FHIT: variants seen among roughly 807,000 people sequenced by gnomAD.
The protein encoded by FHIT is fragile histidine triad diadenosine triphosphatase, also known as bis(5'-adenosyl)-triphosphatase.
FHIT carries 19 observed loss-of-function variants against 17.9 expected under a neutral mutation model. The ratio of observed to expected loss-of-function variants is 1.06; its 90% CI spans 0.74 to 1.56. The LOEUF (loss-of-function observed/expected upper bound fraction) is 1.56, where lower values mean the gene tolerates loss of function less well. Among genes scored for constraint, FHIT ranks in the 40% most tolerant of loss-of-function variants. FHIT has a pLI of 0.00. For missense variants in FHIT, 248 were observed against 189.2 expected (o/e 1.31, Z -1.82); for synonymous variants, 81 against 69.7 (o/e 1.16, Z -0.81).
chr3:60,591,711 T>A (rs1234655465), intron 4 of FHIT, among the ~76,000 whole-genome samples: 2 of 152,100 alleles, frequency 1.3e-5, no homozygotes, highest in Non-Finnish European at 2.9e-5. Flanking sequence ...GAAATGAGCC[T>A]TCTGAGATTC....
At chr3:61,214,309 A>C (rs1366808166) in intron 1 of FHIT, among the ~76,000 whole-genome samples, 2 of 152,238 alleles carry the variant, frequency 1.3e-5, no homozygotes, top group Non-Finnish European at 2.9e-5. Flanking sequence ...ACGCAGTAAA[A>C]AATGATAAAG....
intron 4 of FHIT, among the ~76,000 whole-genome samples, chr3:60,715,779 A>AAAAAC (rs1185444692): frequency 6.6e-6 from 1 of 152,174 alleles, no homozygotes; most frequent in East Asian, 1.9e-4. Flanking sequence ...AATAATAATA[A>AAAAAC]AAAACAAAAC....
At chr3:60,773,196 A>G (rs1406055446) in intron 4 of FHIT, among the ~76,000 whole-genome samples, 1 of 152,168 alleles carries the variant, frequency 6.6e-6, no homozygotes, top group Non-Finnish European at 1.5e-5. Flanking sequence ...ATTCTAGGCA[A>G]AAAAAATAGA....
chr3:59,972,924 C>T (rs1708252993), intron 7 of FHIT, among the ~76,000 whole-genome samples: 5 of 152,180 alleles, frequency 3.3e-5, no homozygotes, highest in South Asian at 2.1e-4. Context: ...CCCTCACTTC[C>T]GTATTTTTGC....
intron 2 of FHIT, among the ~76,000 whole-genome samples, chr3:61,137,441 C>T (rs1038693057): frequency 6.6e-6 from 1 of 152,052 alleles, no homozygotes; most frequent in African/African-American, 2.4e-5. Context: ...TTTTTGGCCA[C>T]GTCTCTAAGT....
rs149149112 is a variant in FHIT at position 60,449,726 on chromosome 3, C to T, written c.103+87134G>A. Among the ~76,000 whole-genome samples the T allele has an allele frequency of 5.4e-3, 815 of 152,108 alleles. 9 individuals carry two copies. The highest frequency in any genetic ancestry group is 0.019 in the African/African-American group (784 of 41,490). On this transcript the variant is annotated intron_variant, in intron 5 of 9. Coordinates refer to ENST00000492590, the MANE Select transcript of FHIT (RefSeq NM_002012.4). Reference sequence around the variant, plus strand: ...TATAAAAATATGGCACAAAAGGTAGCTGGCGTGGTGACTCAGGCCTGTAAT... The same window carrying T: ...TATAAAAATATGGCACAAAAGGTAGTTGGCGTGGTGACTCAGGCCTGTAAT...
intron 3 of FHIT, among the ~76,000 whole-genome samples, chr3:61,039,059 G>A (rs2033383495): frequency 6.6e-6 from 1 of 152,068 alleles, no homozygotes; most frequent in South Asian, 2.1e-4. Flanking sequence ...ATAATTTAAA[G>A]GGGATCACTT....
At chr3:60,048,318 G>A (rs112307045) in intron 5 of FHIT, among the ~76,000 whole-genome samples, 2 of 151,990 alleles carry the variant, frequency 1.3e-5, no homozygotes, top group Admixed American at 1.3e-4. Flanking sequence ...CTGGGACTAC[G>A]GACATGTGCC....
chr3:60,444,637 T>A (rs1185119845), intron 5 of FHIT, among the ~76,000 whole-genome samples: 1 of 151,944 alleles, frequency 6.6e-6, no homozygotes, highest in Non-Finnish European at 1.5e-5. Context: ...TAGCTGGGAA[T>A]TGAACAATGA....
chr3:60,590,922 T>A (rs2038063830), intron 4 of FHIT, among the ~76,000 whole-genome samples: 1 of 151,978 alleles, frequency 6.6e-6, no homozygotes, highest in African/African-American at 2.4e-5. Flanking sequence ...GGAAGCAAAC[T>A]GATATGATTT....
chr3:60,464,310 C>T (rs571143321), intron 5 of FHIT, among the ~76,000 whole-genome samples: 21 of 152,218 alleles, frequency 1.4e-4, no homozygotes, highest in Middle Eastern at 3.4e-3. Context: ...ACATAATAAT[C>T]ACGTAGGGTA....
chr3:60,180,766 A>G (rs1701893731), intron 5 of FHIT, among the ~76,000 whole-genome samples: 3 of 152,148 alleles, frequency 2.0e-5, no homozygotes, highest in African/African-American at 7.2e-5. Flanking sequence ...CCATATTTAA[A>G]TTTTGGAATT....
intron 4 of FHIT, among the ~76,000 whole-genome samples, chr3:60,816,930 A>G (rs562823506): frequency 5.3e-5 from 8 of 151,774 alleles, no homozygotes; most frequent in Non-Finnish European, 1.2e-4. Context: ...AGTTTATTAT[A>G]TGTTTTCTGT....
chr3:60,667,238 T>C lies in FHIT; in HGVS notation c.-17-130259A>G, dbSNP rs561120565. On this transcript the variant is annotated intron_variant, in intron 4 of 9. Transcript: ENST00000492590. Reference sequence around the variant, plus strand: ...TCTTCTGGGACTCCAATGACATGAATGTTGGGCCATTTGTCATTGTCTCAC... The same window carrying C: ...TCTTCTGGGACTCCAATGACATGAACGTTGGGCCATTTGTCATTGTCTCAC... Among the ~76,000 whole-genome samples the C allele has an allele frequency of 7.9e-5, 12 of 151,972 alleles. No individual in the cohort carries two copies. In the South Asian group the frequency reaches 2.1e-3, roughly 26 times the overall value.
chr3:60,950,124 C>G (rs1424168246), intron 3 of FHIT, among the ~76,000 whole-genome samples: 1 of 152,190 alleles, frequency 6.6e-6, no homozygotes, highest in Non-Finnish European at 1.5e-5. Context: ...CTTTGTGTTA[C>G]AGTTGCCTAT....
At chr3:59,845,769 G>C (rs1405610536) in intron 8 of FHIT, among the ~76,000 whole-genome samples, 2 of 152,084 alleles carry the variant, frequency 1.3e-5, no homozygotes, top group African/African-American at 4.8e-5. Context: ...AGAGTGTTTG[G>C]CATGTATCTG....
At chr3:61,174,769 G>A (rs908803163) in intron 2 of FHIT, among the ~76,000 whole-genome samples, 1 of 152,146 alleles carries the variant, frequency 6.6e-6, no homozygotes, top group African/African-American at 2.4e-5. Flanking sequence ...CCTTGAAAAT[G>A]TTGTAGCTAC....
chr3:60,016,914 A>G (rs1207252695), intron 5 of FHIT, among the ~76,000 whole-genome samples: 1 of 152,194 alleles, frequency 6.6e-6, no homozygotes, highest in Non-Finnish European at 1.5e-5. Flanking sequence ...CAACAAACCC[A>G]TAAACTATTA....
chr3:61,106,358 CATTATT>C (rs917670307), intron 2 of FHIT, among the ~76,000 whole-genome samples: 4 of 152,004 alleles, frequency 2.6e-5, no homozygotes, highest in African/African-American at 9.7e-5. Flanking sequence ...GTGTACAATG[CATTATT>C]ATTATTAACT....
Sources: gnomAD v4.1 joint callset for allele counts (sites outside exome capture counted in the v4.1 genomes callset) on GRCh38, gnomAD v4.1.1 for gene constraint, MANE v1.5 for transcripts, NCBI Gene and HGNC (gene_info 2026-07-23, HGNC 2026-07-21) for gene names.